Variants in ST18 observed in about 807,000 individuals in gnomAD.
ST18 encodes suppression of tumorigenicity 18 protein.
A neutral mutation model predicts 110.0 loss-of-function variants in ST18; 50 were observed. The observed-to-expected ratio is 0.45, with a 90% CI of 0.36 to 0.58. The LOEUF (loss-of-function observed/expected upper bound fraction) is 0.58. ST18 is among the 20% of genes least tolerant of loss of function. The pLI, the probability that ST18 is intolerant of heterozygous loss-of-function variation, is 0.00. For missense variants in ST18, 1,306 were observed against 1,280.1 expected, an observed-to-expected ratio of 1.02 and a Z score of -0.31; for synonymous variants, 461 against 452.4, an observed-to-expected ratio of 1.02 and a Z score of -0.24.
chr8:52,237,099 T>A (rs2092785256), intron 2 of ST18, among the ~76,000 whole-genome samples: 1 of 152,130 alleles, frequency 6.6e-6, no homozygotes, highest in Non-Finnish European at 1.5e-5. Context: ...GCTCCAAGGA[T>A]CACATGAGAT....
intron 2 of ST18, among the ~76,000 whole-genome samples, chr8:52,365,554 A>G (rs1440574866): frequency 7.0e-6 from 1 of 142,152 alleles, no homozygotes; most frequent in Non-Finnish European, 1.5e-5. Flanking sequence ...TATACTGGTA[A>G]CTTTTCTCAG....
chr8:52,324,899 T>C (rs1027634161), intron 2 of ST18, among the ~76,000 whole-genome samples: 1 of 152,192 alleles, frequency 6.6e-6, no homozygotes, highest in Non-Finnish European at 1.5e-5. Context: ...CCCGGACATG[T>C]TGATCCAAAC....
intron 2 of ST18, among the ~76,000 whole-genome samples, chr8:52,385,796 G>GT (rs908280892): frequency 1.3e-5 from 2 of 152,070 alleles, no homozygotes; most frequent in African/African-American, 4.8e-5. Context: ...ATGGATTTCA[G>GT]TGAGGAAAGT....
chr8:52,130,149 AAG>A (rs2048915932), intron 22 of ST18, among the ~76,000 whole-genome samples: 1 of 151,294 alleles, frequency 6.6e-6, no homozygotes, highest in Non-Finnish European at 1.5e-5. Flanking sequence ...GAAAGAAAGA[AAG>A]AAAGAAAGAA....
intron 2 of ST18, among the ~76,000 whole-genome samples, chr8:52,301,532 G>A (rs2095721183): frequency 6.6e-6 from 1 of 152,012 alleles, no homozygotes. Context: ...TAAAAACTCA[G>A]TAAAACAAGA....
chr8:52,367,236 T>TCACACACACACACA lies in ST18; in HGVS notation c.-465+42078_-465+42091dup, dbSNP rs748933981. 5.4e-3 allele frequency among the ~76,000 whole-genome samples: 651 copies of TCACACACACACACA among 120,250 alleles called. 12 individuals carry two copies. The highest frequency in any genetic ancestry group is 0.016 in the African/African-American group (532 of 32,636). The allele number at this position is 120,250 out of a possible 152,430, so 78.9% of individuals were successfully genotyped here. A position where few individuals can be genotyped will look rare whatever the true frequency, so the allele number is the denominator to read the frequency against. On this transcript the variant is annotated intron_variant, in intron 2 of 25. Transcript: ENST00000689386. The stretch of plus-strand genomic sequence containing the variant: ...CTGGGTGACAGAGCGGGACCCTGTC[T>TCACACACACACACA]CACACACACACACACACACACACAC...
At chr8:52,408,265 G>A (rs1464405562) in intron 2 of ST18, among the ~76,000 whole-genome samples, 1 of 152,160 alleles carries the variant, frequency 6.6e-6, no homozygotes, top group Non-Finnish European at 1.5e-5. Flanking sequence ...AAATTATTTA[G>A]GTTTATCTGA....
At chr8:52,368,791 C>A (rs1239388357) in intron 2 of ST18, among the ~76,000 whole-genome samples, 1 of 152,034 alleles carries the variant, frequency 6.6e-6, no homozygotes, top group African/African-American at 2.4e-5. Context: ...ATACACTGAT[C>A]GATGAAAGAG....
At chr8:52,362,743 A>C (rs1052245536) in intron 2 of ST18, among the ~76,000 whole-genome samples, 1 of 152,172 alleles carries the variant, frequency 6.6e-6, no homozygotes. Flanking sequence ...AAACTTAAGT[A>C]TTTGGTAGAT....
In ST18 at chr8:52,172,049, G is replaced by T; in HGVS notation, c.812C>A (p.Ala271Asp). 13 of 1,614,226 alleles carry T rather than the reference G, an allele frequency of 8.1e-6. No homozygotes were observed. Among genetic ancestry groups the T allele is most frequent in the Non-Finnish European group, 1.0e-5 (12 of 1,180,046 alleles). ...NALAEPLDGNAQPSFPDVEEE... is the reference protein window; with the variant it reads ...NALAEPLDGNDQPSFPDVEEE... ...CTCAACGTCAGGGAATGAGGGCTGG[G>T]CATTGCCATCCAGGGGTTCTGCGAG... Residue 271 changes from alanine to aspartate, a missense_variant, in exon 10 of 26, where the codon GCC (alanine) becomes GAC (aspartate). By Grantham distance (126) the Ala-to-Asp change is moderately radical (BLOSUM62 -2). Coordinates refer to ENST00000689386, the MANE Select transcript of ST18 (RefSeq NM_001352837.2).
At chr8:52,389,985 A>G (rs1205000632) in intron 2 of ST18, among the ~76,000 whole-genome samples, 1 of 152,166 alleles carries the variant, frequency 6.6e-6, no homozygotes, top group Non-Finnish European at 1.5e-5. Flanking sequence ...ATATCTGGAG[A>G]GACATGCTTT....
Position 52,126,712 on chromosome 8 carries a change from A to G in ST18, c.2667-572T>C, listed in dbSNP as rs143871531. Among the ~76,000 whole-genome samples, 455 of 152,290 alleles carry G rather than the reference A, an allele frequency of 3.0e-3. 1 individual carries two copies. Among genetic ancestry groups the G allele is most frequent in the African/African-American group, 0.01 (435 of 41,564 alleles). ...TTCTTTAACTTTTACAACATTTTTC[A>G]TTAAAAAATTCTCTACCCTGGAAGG... On this transcript the variant is annotated intron_variant, in intron 22 of 25. Coordinates refer to ENST00000689386, the MANE Select transcript of ST18 (RefSeq NM_001352837.2).
chr8:52,189,526 C>T (rs2073729021), intron 8 of ST18, among the ~76,000 whole-genome samples: 1 of 152,214 alleles, frequency 6.6e-6, no homozygotes, highest in Admixed American at 6.5e-5. Flanking sequence ...CTTTTTGTCT[C>T]TGGGCCTGAA....
intron 8 of ST18, among the ~76,000 whole-genome samples, chr8:52,195,957 T>G (rs576262149): frequency 6.6e-6 from 1 of 152,348 alleles, no homozygotes; most frequent in South Asian, 2.1e-4. Context: ...AGATTCCACT[T>G]TTTGTAAATT....
Position 52,161,407 on chromosome 8 carries a change from A to G in ST18, c.1562T>C (p.Val521Ala). The G allele has an allele frequency of 6.2e-7, 1 of 1,614,166 alleles. No homozygotes were observed. Among genetic ancestry groups the G allele is most frequent in the East Asian group, 2.2e-5 (1 of 44,880 alleles). The stretch of plus-strand genomic sequence containing the variant: ...AAATGGTGGTGTTTTTCGTCCTTGC[A>G]CTGTTTGTATGAGAGGGCGTTTACC... The part of the protein sequence containing the change: ...VFGKRPLIQT[V>A]QGRKTPPFPE... Residue 521 changes from valine (V) to alanine (A), a missense_variant, in exon 14 of 26, where the codon GTG becomes GCG. Val to Ala is a moderately conservative substitution (Grantham distance 64). Coordinates refer to ENST00000689386, the MANE Select transcript of ST18 (RefSeq NM_001352837.2).
intron 2 of ST18, among the ~76,000 whole-genome samples, chr8:52,302,457 C>T (rs2095741633): frequency 6.6e-6 from 1 of 152,116 alleles, no homozygotes; most frequent in African/African-American, 2.4e-5. Context: ...GAAATCTATT[C>T]CCTAACTCTG....
intron 10 of ST18, among the ~76,000 whole-genome samples, chr8:52,170,448 AAATC>A (rs201030669): frequency 0.061 from 7,250 of 118,704 alleles, 337 homozygotes; most frequent in African/African-American, 0.18. Flanking sequence ...CAAAACTCAA[AAATC>A]AATAAATAAA....
rs568346172 is a variant in ST18, at chr8:52,131,970, A to G, written c.2654T>C (p.Val885Ala). 6.2e-7 allele frequency: 1 copy of G among 1,614,118 alleles called. No individual in the cohort carries two copies. Among genetic ancestry groups the G allele is most frequent in the Non-Finnish European group, 8.5e-7 (1 of 1,180,002 alleles). The change falls in exon 22 of 26, where the codon GTC (valine) becomes GCC (alanine). Residue 885 changes from valine (V) to alanine (A), a missense_variant. By Grantham distance (64) the Val-to-Ala change is moderately conservative. Transcript: ENST00000689386. Reference protein sequence around the residue: ...NGLGHVNNVFVTHRSLSGCPL... With the variant: ...NGLGHVNNVFATHRSLSGCPL... ...AAACTCATGTTACCTTCGGTGGGTG[A>G]CAAAAACATTATTTACATGGCCCAG...
Position 52,112,841 on chromosome 8 carries a change from T to G in ST18, c.*357A>C, listed in dbSNP as rs1170136896. On this transcript the variant is annotated 3_prime_UTR_variant, in exon 26 of 26. Transcript: ENST00000689386. ...ACACACTTGTAAAAATACGGCAGACTTCAAAATGCAGTTAAAAGATAAAAA... is the reference window on the plus strand; with the variant it reads ...ACACACTTGTAAAAATACGGCAGACGTCAAAATGCAGTTAAAAGATAAAAA... 6.2e-6 allele frequency: 1 copy of G among 160,338 alleles called. No homozygotes were observed. Among genetic ancestry groups the G allele is most frequent in the Non-Finnish European group, 1.4e-5 (1 of 73,612 alleles). The allele number at this position is 160,338 out of a possible 1,614,324, so 9.9% of individuals were successfully genotyped here. A position where few individuals can be genotyped will look rare whatever the true frequency, so the allele number is the denominator to read the frequency against.
Sources: allele counts gnomAD v4.1 joint callset (sites outside exome capture counted in the v4.1 genomes callset), GRCh38; gene constraint gnomAD v4.1.1; transcripts MANE v1.5; gene names NCBI Gene and HGNC (gene_info 2026-07-23, HGNC 2026-07-21).